Variants in UBE2Q2 observed in about 807,000 individuals in gnomAD.
The protein encoded by UBE2Q2 is ubiquitin-conjugating enzyme E2 Q2.
Under a neutral mutation model 59.9 loss-of-function variants are expected in UBE2Q2, and 54 were observed. The observed-to-expected ratio is 0.90, with a 90% CI of 0.72 to 1.13. UBE2Q2 has a LOEUF of 1.13. UBE2Q2 is among the 50% of genes most tolerant of loss of function. The probability of loss-of-function intolerance (pLI) is 0.00; values close to 1 mark genes in which losing one functional copy is unlikely to be tolerated. For synonymous variants in UBE2Q2, 165 were observed against 155.2 expected, an observed-to-expected ratio of 1.06 and a Z score of -0.47; for missense variants, 433 against 441.9, an observed-to-expected ratio of 0.98 and a Z score of 0.18.
chr15:75,850,694 A>G (rs1177111018), intron 1 of UBE2Q2, among the ~76,000 whole-genome samples: 1 of 152,196 alleles, frequency 6.6e-6, no homozygotes, highest in East Asian at 1.9e-4. Context: ...TGTTTCTTCC[A>G]AGGAAAGAAT....
At chr15:75,885,538 T>G (rs1898711596) in intron 9 of UBE2Q2, among the ~76,000 whole-genome samples, 1 of 152,200 alleles carries the variant, frequency 6.6e-6, no homozygotes, top group Non-Finnish European at 1.5e-5. Flanking sequence ...TTTCCCAAAT[T>G]TGTTTAATAA....
At chr15:75,848,641 G>T (rs1357774951) in intron 1 of UBE2Q2, among the ~76,000 whole-genome samples, 2 of 151,700 alleles carry the variant, frequency 1.3e-5, no homozygotes, top group Non-Finnish European at 2.9e-5. Flanking sequence ...TTTGTGAATA[G>T]TATATCCCTT....
intron 12 of UBE2Q2, among the ~76,000 whole-genome samples, chr15:75,897,353 C>T (rs1189211547): frequency 9.2e-5 from 14 of 152,042 alleles, no homozygotes; most frequent in Admixed American, 9.2e-4. Flanking sequence ...ATTCTCCTGC[C>T]TCAGCCTCCC....
At chr15:75,866,147 G>T (rs1897466081) in intron 3 of UBE2Q2, among the ~76,000 whole-genome samples, 1 of 151,478 alleles carries the variant, frequency 6.6e-6, no homozygotes, top group Admixed American at 6.6e-5. Context: ...CTCTGTAACT[G>T]TAAAGTGTGG....
At chr15:75,856,269 G>GTGTGTGTGTGTGTGTATATATATA (rs1256142539) in intron 2 of UBE2Q2, among the ~76,000 whole-genome samples, 3 of 139,276 alleles carry the variant, frequency 2.2e-5, no homozygotes, top group Middle Eastern at 3.4e-3. Context: ...GTGTGTGTGT[G>GTGTGTGTGTGTGTGTATATATATA]TATATATATA....
intron 12 of UBE2Q2, 137 bp from the exon 13 acceptor site, chr15:75,899,290 A>AAT (rs200041298): frequency 9.5e-5 from 23 of 241,832 alleles, no homozygotes; most frequent in South Asian, 1.6e-4. Flanking sequence ...ATATATATAT[A>AAT]ATATATATAT....
intron 2 of UBE2Q2, among the ~76,000 whole-genome samples, chr15:75,858,403 TAATC>T (rs1377208581): frequency 6.6e-6 from 1 of 152,150 alleles, no homozygotes; most frequent in Non-Finnish European, 1.5e-5. Flanking sequence ...CAAAATGAAA[TAATC>T]AAACTAGTCA....
chr15:75,855,135 T>C (rs1224836533), intron 2 of UBE2Q2, among the ~76,000 whole-genome samples: 4 of 152,202 alleles, frequency 2.6e-5, no homozygotes, highest in Non-Finnish European at 4.4e-5. Flanking sequence ...AAAATACATA[T>C]ACCTTTATAC....
chr15:75,870,894 C>A (rs1014515556), intron 4 of UBE2Q2, among the ~76,000 whole-genome samples: 4 of 151,978 alleles, frequency 2.6e-5, no homozygotes, highest in Non-Finnish European at 1.5e-5. Flanking sequence ...GGGTGTTTCT[C>A]GTTAGGTGGA....
chr15:75,877,504 G>T (rs776071365), intron 6 of UBE2Q2, among the ~76,000 whole-genome samples: 16 of 151,848 alleles, frequency 1.1e-4, no homozygotes, highest in Non-Finnish European at 1.8e-4. Context: ...ATACTGGGTG[G>T]AATTTGTTAA....
chr15:75,888,501 G>T (rs183075697), intron 9 of UBE2Q2, among the ~76,000 whole-genome samples: 1 of 152,266 alleles, frequency 6.6e-6, no homozygotes, highest in East Asian at 1.9e-4. Flanking sequence ...TATATGGCAT[G>T]TTATCCTTAG....
chr15:75,892,493 G>C (rs1056740911), intron 11 of UBE2Q2, among the ~76,000 whole-genome samples: 1 of 152,158 alleles, frequency 6.6e-6, no homozygotes, highest in Non-Finnish European at 1.5e-5. Flanking sequence ...TCATAAAATT[G>C]AGCAAGCAGC....
intron 3 of UBE2Q2, among the ~76,000 whole-genome samples, chr15:75,868,546 CAAAGTTA>C (rs1897624627): frequency 6.6e-6 from 1 of 152,024 alleles, no homozygotes; most frequent in African/African-American, 2.4e-5. Flanking sequence ...TCAGGCTTTC[CAAAGTTA>C]AAAAGGGAGC....
intron 3 of UBE2Q2, among the ~76,000 whole-genome samples, chr15:75,866,946 T>C (rs1220906243): frequency 6.6e-6 from 1 of 152,254 alleles, no homozygotes; most frequent in Non-Finnish European, 1.5e-5. Context: ...ACTTGGCACT[T>C]TCAGATTGCT....
intron 1 of UBE2Q2, among the ~76,000 whole-genome samples, chr15:75,851,522 G>T (rs1451401485): frequency 6.6e-6 from 1 of 151,996 alleles, no homozygotes; most frequent in Non-Finnish European, 1.5e-5. Context: ...GTGGATACAA[G>T]TTTTCAAAAA....
intron 2 of UBE2Q2, among the ~76,000 whole-genome samples, 176 bp from the exon 3 acceptor site, chr15:75,859,702 T>C (rs1897112044): frequency 6.6e-6 from 1 of 152,204 alleles, no homozygotes; most frequent in Non-Finnish European, 1.5e-5. Flanking sequence ...AGTAACTTTC[T>C]TACACTAGAG....
intron 3 of UBE2Q2, among the ~76,000 whole-genome samples, chr15:75,867,485 T>C (rs1412321257): frequency 1.3e-5 from 2 of 152,370 alleles, no homozygotes; most frequent in East Asian, 3.9e-4. Flanking sequence ...TATTTGTTTT[T>C]CTGCTACTGC....
At chr15:75,890,837 A>C in intron 10 of UBE2Q2, 82 bp from the exon 11 acceptor site, 1 of 1,136,988 alleles carries the variant, frequency 8.8e-7, no homozygotes, top group African/African-American at 1.6e-5. Flanking sequence ...GCTGCTGTTG[A>C]GTTATATACC....
chr15:75,844,157 A>C (rs956566286), intron 1 of UBE2Q2: 1 of 1,431,134 alleles, frequency 7.0e-7, no homozygotes, highest in Admixed American at 2.8e-5. Context: ...TGTGGGGTCC[A>C]TGGCCGCCCT....
Sources: allele counts gnomAD v4.1 joint callset (sites outside exome capture counted in the v4.1 genomes callset), GRCh38; gene constraint gnomAD v4.1.1; transcripts MANE v1.5; gene names NCBI Gene and HGNC (gene_info 2026-07-23, HGNC 2026-07-21).